RGS7: variants seen among roughly 807,000 people sequenced by gnomAD.
RGS7 encodes regulator of G protein signaling 7.
RGS7 carries 27 observed loss-of-function variants against 81.1 expected under a neutral mutation model. That is an observed-to-expected ratio of 0.33 (90% CI 0.25 to 0.46). The LOEUF (loss-of-function observed/expected upper bound fraction) is 0.46, where lower values mean the gene tolerates loss of function less well. Ranked by LOEUF, RGS7 falls within the 20% of genes least tolerant of loss-of-function variation. The pLI, the probability that RGS7 is intolerant of heterozygous loss-of-function variation, is 1.00. For synonymous variants in RGS7, 208 were observed against 207.7 expected, an observed-to-expected ratio of 1.00 and a Z score of -0.01; for missense variants, 396 against 607.4, an observed-to-expected ratio of 0.65 and a Z score of 3.66.
intron 2 of RGS7, among the ~76,000 whole-genome samples, chr1:241,296,934 T>C (rs562483549): frequency 1.3e-4 from 18 of 138,598 alleles, no homozygotes; most frequent in Admixed American, 5.0e-4. Context: ...ATTAGCTGGG[T>C]TTTTTTTTTT....
chr1:240,983,133 G>A lies in RGS7; in HGVS notation c.176-4C>T, dbSNP rs751570230. 6.1e-6 allele frequency: 9 copies of A among 1,472,520 alleles called. No homozygotes were observed. The South Asian group carries it at 1.1e-4, about 18-fold the overall frequency. 91.2% of individuals were successfully genotyped at this position (1,472,520 alleles called of 1,614,324 possible). ...AACCATTGAACAATGTCTGAACCTAGAAAAAGAAAAAAGAAAAACACAAAC... is the reference window on the plus strand; with the variant it reads ...AACCATTGAACAATGTCTGAACCTAAAAAAAGAAAAAAGAAAAACACAAAC... On this transcript the variant is annotated splice_polypyrimidine_tract_variant and splice_region_variant and intron_variant, in intron 3 of 18. Coordinates refer to ENST00000440928, the MANE Select transcript of RGS7 (RefSeq NM_001364886.1).
intron 3 of RGS7, among the ~76,000 whole-genome samples, chr1:241,081,664 G>A (rs2063140897): frequency 6.6e-6 from 1 of 152,252 alleles, no homozygotes; most frequent in Non-Finnish European, 1.5e-5. Flanking sequence ...ATGTAGGGAT[G>A]AGAGAACAGG....
intron 3 of RGS7, among the ~76,000 whole-genome samples, chr1:241,031,968 T>G (rs1401755915): frequency 6.6e-6 from 1 of 152,246 alleles, no homozygotes; most frequent in Non-Finnish European, 1.5e-5. Flanking sequence ...ATGCAGAAGT[T>G]TCTTAGTTTA....
At chr1:240,997,440 T>C (rs544202722) in intron 3 of RGS7, among the ~76,000 whole-genome samples, 1 of 152,330 alleles carries the variant, frequency 6.6e-6, no homozygotes, top group South Asian at 2.1e-4. Flanking sequence ...CTCTCCCCAA[T>C]TTTTAATGTT....
chr1:240,932,535 G>T (rs1675645289), intron 5 of RGS7, among the ~76,000 whole-genome samples: 1 of 68,930 alleles, frequency 1.5e-5, no homozygotes, highest in East Asian at 3.9e-4. Flanking sequence ...TTGAGACAGG[G>T]TCTCACTCTG....
At position 241,151,088 on chromosome 1, in the gene RGS7, G is replaced by A. The variant is rs74150223; in HGVS notation, c.79-52326C>T. Among the ~76,000 whole-genome samples the A allele has an allele frequency of 6.8e-3, 1,037 of 152,218 alleles. 20 individuals carry two copies. Among genetic ancestry groups the A allele is most frequent in the African/African-American group, 0.024 (991 of 41,530 alleles). On this transcript the variant is annotated intron_variant, in intron 2 of 18. Coordinates refer to ENST00000440928, the MANE Select transcript of RGS7 (RefSeq NM_001364886.1). ...TTGCACGGTGTCTGTCAACATCAGG[G>A]TGGATCTTCCCCACTCAGTCCACTG...
chr1:240,880,985 T>C (rs1351459445), intron 6 of RGS7, among the ~76,000 whole-genome samples: 1 of 152,196 alleles, frequency 6.6e-6, no homozygotes, highest in Non-Finnish European at 1.5e-5. Flanking sequence ...TTGTTACTTG[T>C]AACATCAACC....
chr1:241,278,783 G>A (rs928500151), intron 2 of RGS7, among the ~76,000 whole-genome samples: 34 of 152,090 alleles, frequency 2.2e-4, no homozygotes, highest in African/African-American at 5.8e-4. Context: ...ATCCTGACTC[G>A]GCATCTCTGC....
intron 3 of RGS7, among the ~76,000 whole-genome samples, chr1:240,996,290 TC>T (rs572622134): frequency 8.1e-4 from 124 of 152,282 alleles, no homozygotes; most frequent in African/African-American, 2.9e-3. Context: ...AGTTGGAATA[TC>T]CTGTAATCAG....
At chr1:241,337,818 T>C (rs1409517075) in intron 2 of RGS7, among the ~76,000 whole-genome samples, 22 of 152,194 alleles carry the variant, frequency 1.4e-4, no homozygotes, top group Non-Finnish European at 1.2e-4. Flanking sequence ...CCAACCTACC[T>C]TCCCCTTCAA....
At chr1:240,779,127 G>A (rs1190013434) in intron 18 of RGS7, among the ~76,000 whole-genome samples, 1 of 151,594 alleles carries the variant, frequency 6.6e-6, no homozygotes, top group Non-Finnish European at 1.5e-5. Context: ...GTGTGTGTGT[G>A]TGTGTGTGTG....
chr1:241,065,924 C>T lies in RGS7; in HGVS notation c.175+32742G>A, dbSNP rs373811058. Among the ~76,000 whole-genome samples the T allele has an allele frequency of 9.9e-5, 15 of 152,212 alleles. No individual in the cohort carries two copies. The East Asian group carries it at 1.2e-3, about 12-fold the overall frequency. On this transcript the variant is annotated intron_variant, in intron 3 of 18. Coordinates refer to ENST00000440928, the MANE Select transcript of RGS7 (RefSeq NM_001364886.1). ...CATAAATCATGTACTTAGAACAATA[C>T]CTGGCATTTGGCATGCACTATAGCA...
At chr1:240,820,319 A>G (rs1410044378) in intron 10 of RGS7, among the ~76,000 whole-genome samples, 3 of 152,164 alleles carry the variant, frequency 2.0e-5, no homozygotes, top group Non-Finnish European at 4.4e-5. Context: ...CTTTATTCCT[A>G]TGGTGCTAAG....
intron 9 of RGS7, among the ~76,000 whole-genome samples, chr1:240,844,684 A>G (rs1305898605): frequency 6.6e-6 from 1 of 152,270 alleles, no homozygotes; most frequent in Non-Finnish European, 1.5e-5. Context: ...AGTTTCACTC[A>G]TAGCGGCTTG....
chr1:240,843,980 G>C (rs994684110), intron 9 of RGS7, among the ~76,000 whole-genome samples: 1 of 152,168 alleles, frequency 6.6e-6, no homozygotes, highest in Non-Finnish European at 1.5e-5. Context: ...GGCAGACTGA[G>C]CCCATGTTGT....
chr1:240,892,358 G>A (rs909975083), intron 6 of RGS7, among the ~76,000 whole-genome samples: 14 of 152,050 alleles, frequency 9.2e-5, no homozygotes, highest in African/African-American at 2.9e-4. Context: ...TCTAGAACAA[G>A]GGCTATTTTT....
intron 2 of RGS7, among the ~76,000 whole-genome samples, chr1:241,217,991 G>A (rs1341744812): frequency 6.6e-6 from 1 of 152,194 alleles, no homozygotes; most frequent in East Asian, 1.9e-4. Flanking sequence ...GGACTCATCT[G>A]AGAATCAAAT....
chr1:241,065,502 G>A (rs2062009174), intron 3 of RGS7, among the ~76,000 whole-genome samples: 1 of 151,988 alleles, frequency 6.6e-6, no homozygotes, highest in Non-Finnish European at 1.5e-5. Flanking sequence ...ACACCTCGAT[G>A]CCAGGTTGAA....
intron 2 of RGS7, among the ~76,000 whole-genome samples, chr1:241,193,948 G>A (rs546262183): frequency 2.6e-5 from 4 of 152,272 alleles, no homozygotes; most frequent in Admixed American, 2.0e-4. Context: ...AATCATGCTA[G>A]TTGATATGGA....
Sources: allele counts gnomAD v4.1 joint callset (sites outside exome capture counted in the v4.1 genomes callset), GRCh38; gene constraint gnomAD v4.1.1; transcripts MANE v1.5; gene names NCBI Gene and HGNC (gene_info 2026-07-23, HGNC 2026-07-21).